The following MDGA2 variants were observed in gnomAD, a reference collection of about 807,000 sequenced individuals.
The protein encoded by MDGA2 is MAM domain containing glycosylphosphatidylinositol anchor 2.
MDGA2 carries 40 observed loss-of-function variants against 117.8 expected under a neutral mutation model. That is an observed-to-expected ratio of 0.34 (90% CI 0.26 to 0.44). The LOEUF is 0.44. MDGA2 is among the 20% of genes least tolerant of loss of function. The probability of loss-of-function intolerance (pLI) is 1.00; values close to 1 mark genes in which losing one functional copy is unlikely to be tolerated. For missense variants in MDGA2, 1,123 were observed against 1,250.6 expected (o/e 0.90, Z 1.54); for synonymous variants, 452 against 439.0 (o/e 1.03, Z -0.37).
intron 6 of MDGA2, among the ~76,000 whole-genome samples, chr14:47,089,710 A>C (rs1891038697): frequency 6.6e-6 from 1 of 152,100 alleles, no homozygotes; most frequent in Admixed American, 6.6e-5. Context: ...GCAGCCATAA[A>C]AAAGGATGAG....
At chr14:47,376,014 T>C (rs1891470442) in intron 1 of MDGA2, among the ~76,000 whole-genome samples, 1 of 152,170 alleles carries the variant, frequency 6.6e-6, no homozygotes, top group Non-Finnish European at 1.5e-5. Flanking sequence ...TTCCATGTAA[T>C]GCATGTTTCT....
intron 1 of MDGA2, among the ~76,000 whole-genome samples, chr14:47,453,952 T>C (rs1412281631): frequency 6.6e-6 from 1 of 152,190 alleles, no homozygotes; most frequent in African/African-American, 2.4e-5. Context: ...AGTCTTCTAA[T>C]CTCATGGAAT....
chr14:47,333,048 T>C (rs780559252), intron 1 of MDGA2, among the ~76,000 whole-genome samples: 1 of 152,002 alleles, frequency 6.6e-6, no homozygotes, highest in Non-Finnish European at 1.5e-5. Context: ...CAGTCATCTG[T>C]TGATGGGCAT....
At chr14:47,313,955 T>C (rs1350731506) in intron 1 of MDGA2, among the ~76,000 whole-genome samples, 5 of 152,198 alleles carry the variant, frequency 3.3e-5, no homozygotes, top group Non-Finnish European at 2.9e-5. Context: ...TGGGAGAAAC[T>C]GTCAATAACA....
intron 1 of MDGA2, among the ~76,000 whole-genome samples, chr14:47,438,105 T>C (rs570358830): frequency 6.6e-6 from 1 of 152,276 alleles, no homozygotes; most frequent in South Asian, 2.1e-4. Context: ...TAGGGTATGA[T>C]TCAGAAACAT....
intron 1 of MDGA2, among the ~76,000 whole-genome samples, chr14:47,571,715 G>A (rs1286698302): frequency 2.0e-5 from 3 of 150,652 alleles, no homozygotes; most frequent in African/African-American, 7.4e-5. Context: ...GAGAACACAT[G>A]GACATAAGGC....
chr14:47,184,563 G>A (rs1884837625), intron 3 of MDGA2, among the ~76,000 whole-genome samples: 1 of 151,652 alleles, frequency 6.6e-6, no homozygotes, highest in African/African-American at 2.4e-5. Flanking sequence ...AGCAACATTT[G>A]CATTTTTCAG....
chr14:46,884,090 T>C lies in MDGA2; in HGVS notation c.2239-1869A>G, dbSNP rs1369139274. 6.6e-6 allele frequency among the ~76,000 whole-genome samples: 1 copy of C among 152,114 alleles called. No individual in the cohort carries two copies. Among genetic ancestry groups the C allele is most frequent in the Non-Finnish European group, 1.5e-5 (1 of 68,010 alleles). On this transcript the variant is annotated intron_variant, in intron 10 of 16. Coordinates refer to ENST00000399232, the MANE Select transcript of MDGA2 (RefSeq NM_001113498.3). This position sits in a 1 kb window ranked among gnomAD's most constrained non-coding sequence, Gnocchi z 4.1. ...GCCTATGACAAAGACATATTCTGTA[T>C]AGATGTACCATTGTTTCTGACATGC...
intron 10 of MDGA2, among the ~76,000 whole-genome samples, chr14:46,905,887 G>A (rs916490632): frequency 6.6e-6 from 1 of 152,022 alleles, no homozygotes; most frequent in Admixed American, 6.6e-5. Flanking sequence ...ATAAATCCCT[G>A]AGGGTCAACA....
Position 47,332,745 on chromosome 14 carries a change from G to A in MDGA2, c.281-31195C>T, listed in dbSNP as rs184303508. ...TAATGGTGAAGTCTGGGCTTTTAAC[G>A]TAACCATTACCAAAATCGTGCACAT... On this transcript the variant is annotated intron_variant, in intron 1 of 16. Transcript: ENST00000399232. Among the ~76,000 whole-genome samples, 291 of 151,866 alleles carry A rather than the reference G, an allele frequency of 1.9e-3. 1 individual carries two copies. Among genetic ancestry groups the A allele is most frequent in the Middle Eastern group, 3.4e-3 (1 of 294 alleles).
intron 3 of MDGA2, among the ~76,000 whole-genome samples, chr14:47,216,109 T>C (rs1328511262): frequency 2.0e-5 from 3 of 152,024 alleles, no homozygotes; most frequent in African/African-American, 7.2e-5. Flanking sequence ...CAGCAAGAGA[T>C]ATGAGCAGGT....
intron 1 of MDGA2, among the ~76,000 whole-genome samples, chr14:47,559,296 A>T (rs1300171989): frequency 6.6e-6 from 1 of 152,032 alleles, no homozygotes; most frequent in Non-Finnish European, 1.5e-5. Context: ...TTGTGTCCAT[A>T]TATACTTGAT....
chr14:46,892,658 C>CA (rs779250155), intron 10 of MDGA2, among the ~76,000 whole-genome samples: 1 of 151,358 alleles, frequency 6.6e-6, no homozygotes, highest in Non-Finnish European at 1.5e-5. Flanking sequence ...AACTCGACAG[C>CA]AAAAAAACAA....
intron 1 of MDGA2, among the ~76,000 whole-genome samples, chr14:47,665,202 C>T (rs1897921547): frequency 1.3e-5 from 2 of 152,100 alleles, no homozygotes; most frequent in South Asian, 2.1e-4. Context: ...TTAACTGTTC[C>T]GAGCTTTTTC....
At chr14:47,434,968 T>C (rs1248404247) in intron 1 of MDGA2, among the ~76,000 whole-genome samples, 1 of 152,044 alleles carries the variant, frequency 6.6e-6, no homozygotes, top group African/African-American at 2.4e-5. Flanking sequence ...AAAACCTGTC[T>C]GTACTAAAAA....
chr14:47,036,300 T>C (rs1328649959), intron 7 of MDGA2, among the ~76,000 whole-genome samples: 4 of 149,516 alleles, frequency 2.7e-5, no homozygotes, highest in Admixed American at 6.7e-5. Flanking sequence ...AAAAGAATTA[T>C]AATTTTTCTC....
chr14:46,880,498 G>A (rs1474297717), intron 11 of MDGA2, among the ~76,000 whole-genome samples: 2 of 151,484 alleles, frequency 1.3e-5, no homozygotes, highest in Admixed American at 6.6e-5. Context: ...TATCTCTTTA[G>A]TATACAGTAA....
At chr14:47,412,986 C>A (rs1442758682) in intron 1 of MDGA2, among the ~76,000 whole-genome samples, 1 of 152,168 alleles carries the variant, frequency 6.6e-6, no homozygotes, top group Non-Finnish European at 1.5e-5. Context: ...CTATCAAAAT[C>A]TCATCAAAAT....
chr14:46,905,003 A>C (rs1403805802), intron 10 of MDGA2, among the ~76,000 whole-genome samples: 1 of 152,234 alleles, frequency 6.6e-6, no homozygotes, highest in African/African-American at 2.4e-5. Context: ...TGGAAGTCAC[A>C]TTCTATTAAA....
Sources: gnomAD v4.1 joint callset for allele counts (sites outside exome capture counted in the v4.1 genomes callset) on GRCh38, gnomAD v4.1.1 for gene constraint, Gnocchi (gnomAD v3.1) non-coding constraint, MANE v1.5 for transcripts, NCBI Gene and HGNC (gene_info 2026-07-23, HGNC 2026-07-21) for gene names.